CDH13: variants seen among roughly 807,000 people sequenced by gnomAD.
The protein encoded by CDH13 is cadherin-13.
CDH13 carries 24 observed loss-of-function variants against 63.8 expected under a neutral mutation model. The observed-to-expected ratio is 0.38, with a 90% confidence interval of 0.27 to 0.53. The LOEUF is 0.53. CDH13 is among the 20% of genes least tolerant of loss of function. The pLI is 0.85. For synonymous variants in CDH13, 503 were observed against 355.3 expected (o/e 1.42, Z -4.67); for missense variants, 1,049 against 903.1 (o/e 1.16, Z -2.07).
chr16:82,854,667 C>G (rs2039619528), intron 1 of CDH13, among the ~76,000 whole-genome samples: 1 of 152,144 alleles, frequency 6.6e-6, no homozygotes, highest in Non-Finnish European at 1.5e-5. Context: ...TCGTAATCAT[C>G]TTTGAGATCC....
At chr16:83,679,242 C>T (rs1211175335) in intron 10 of CDH13, among the ~76,000 whole-genome samples, 3 of 152,176 alleles carry the variant, frequency 2.0e-5, no homozygotes, top group Admixed American at 6.5e-5. Context: ...ATAAAAGATG[C>T]CCTCGTTGGT....
intron 1 of CDH13, among the ~76,000 whole-genome samples, chr16:82,729,293 C>G (rs1263702270): frequency 6.6e-6 from 1 of 152,178 alleles, no homozygotes; most frequent in Non-Finnish European, 1.5e-5. Flanking sequence ...AGAGGAATTA[C>G]TATCTCTAGC....
intron 2 of CDH13, among the ~76,000 whole-genome samples, chr16:82,905,408 T>A (rs1259060978): frequency 1.3e-5 from 2 of 151,492 alleles, no homozygotes; most frequent in South Asian, 2.1e-4. Context: ...AAAACAGGAC[T>A]TGGGTGTTAT....
At chr16:82,779,292 A>C (rs138495875) in intron 1 of CDH13, among the ~76,000 whole-genome samples, 2 of 152,150 alleles carry the variant, frequency 1.3e-5, no homozygotes, top group African/African-American at 4.8e-5. Flanking sequence ...GATAGTAGGC[A>C]GTCCAGCTTC....
At chr16:83,567,386 G>A (rs150733963) in intron 7 of CDH13, among the ~76,000 whole-genome samples, 122 of 152,310 alleles carry the variant, frequency 8.0e-4, no homozygotes, top group Non-Finnish European at 8.4e-4. Context: ...AGTCCAGGGC[G>A]TACCTGTAAA....
chr16:83,594,715 A>G (rs1300993625), intron 7 of CDH13, among the ~76,000 whole-genome samples: 2 of 152,126 alleles, frequency 1.3e-5, no homozygotes, highest in Non-Finnish European at 2.9e-5. Context: ...CATCACATCT[A>G]TTTGTTGATT....
At chr16:82,953,034 C>T (rs1361380218) in intron 2 of CDH13, among the ~76,000 whole-genome samples, 2 of 152,120 alleles carry the variant, frequency 1.3e-5, no homozygotes, top group Non-Finnish European at 2.9e-5. Context: ...TTGTTTTAAG[C>T]GATAGAGAAT....
intron 4 of CDH13, among the ~76,000 whole-genome samples, chr16:83,136,881 G>C (rs899910514): frequency 5.9e-5 from 9 of 152,234 alleles, no homozygotes; most frequent in African/African-American, 2.2e-4. Flanking sequence ...GCTCTCGGAG[G>C]CTGGAAGCCT....
chr16:83,169,452 G>A (rs79288103), intron 4 of CDH13, among the ~76,000 whole-genome samples: 2 of 152,004 alleles, frequency 1.3e-5, no homozygotes, highest in African/African-American at 4.8e-5. Flanking sequence ...TGGGAGTAAG[G>A]TGTGAGCCAC....
rs147839694 is a variant in CDH13 at position 83,073,275 on chromosome 16, G to A, written c.366+41057G>A. On this transcript the variant is annotated intron_variant, in intron 3 of 13. Coordinates refer to ENST00000567109, the MANE Select transcript of CDH13 (RefSeq NM_001257.5). Reference sequence around the variant, plus strand: ...AGAAACAGAGTTCGAGGTTGAACCCGGGTGACTCAGCATCAAGGAATGGGC... The same window carrying A: ...AGAAACAGAGTTCGAGGTTGAACCCAGGTGACTCAGCATCAAGGAATGGGC... 1.0e-3 allele frequency among the ~76,000 whole-genome samples: 152 copies of A among 151,964 alleles called. 1 individual carries two copies. In the Middle Eastern group the frequency reaches 0.01, roughly 10 times the overall value.
intron 5 of CDH13, among the ~76,000 whole-genome samples, chr16:83,252,335 T>A (rs560181172): frequency 6.6e-6 from 1 of 151,666 alleles, no homozygotes; most frequent in African/African-American, 2.4e-5. Context: ...TACATGTGCA[T>A]CTTTAGGCAA....
At chr16:82,729,340 A>T (rs1002964244) in intron 1 of CDH13, among the ~76,000 whole-genome samples, 9 of 152,202 alleles carry the variant, frequency 5.9e-5, no homozygotes, top group Non-Finnish European at 1.2e-4. Context: ...CTTTAATAAT[A>T]AGACTTGAAA....
chr16:83,617,595 T>G (rs1238760625), intron 8 of CDH13, among the ~76,000 whole-genome samples: 3 of 151,416 alleles, frequency 2.0e-5, no homozygotes, highest in African/African-American at 4.8e-5. Flanking sequence ...ATATATCTAT[T>G]CTAATATGTA....
At chr16:82,889,115 C>T (rs1962877549) in intron 2 of CDH13, among the ~76,000 whole-genome samples, 1 of 152,176 alleles carries the variant, frequency 6.6e-6, no homozygotes, top group African/African-American at 2.4e-5. Context: ...TCCCCTTAAC[C>T]TTATTTTCAA....
chr16:82,792,764 C>T (rs1181642333), intron 1 of CDH13, among the ~76,000 whole-genome samples: 1 of 152,208 alleles, frequency 6.6e-6, no homozygotes, highest in African/African-American at 2.4e-5. Context: ...ATGTATACCT[C>T]TGCTAGTTGA....
intron 6 of CDH13, among the ~76,000 whole-genome samples, chr16:83,347,612 A>G (rs947596723): frequency 2.0e-5 from 3 of 152,152 alleles, no homozygotes; most frequent in Non-Finnish European, 4.4e-5. Flanking sequence ...CTGCCCTGAG[A>G]GGTGGCTACC....
chr16:83,444,637 C>A (rs1420691791), intron 6 of CDH13, among the ~76,000 whole-genome samples: 1 of 152,134 alleles, frequency 6.6e-6, no homozygotes, highest in African/African-American at 2.4e-5. Flanking sequence ...CATCATTGCT[C>A]ATGTCCCTCC....
chr16:83,266,840 C>G (rs1425197046), intron 5 of CDH13, among the ~76,000 whole-genome samples: 1 of 152,222 alleles, frequency 6.6e-6, no homozygotes, highest in Non-Finnish European at 1.5e-5. Context: ...GAGGTCCACA[C>G]TCTTCACTCA....
intron 1 of CDH13, among the ~76,000 whole-genome samples, chr16:82,761,929 G>T (rs955306817): frequency 6.6e-6 from 1 of 152,278 alleles, no homozygotes; most frequent in East Asian, 1.9e-4. Flanking sequence ...AATGGTTTCT[G>T]TTTACACTGA....
Sources: gnomAD v4.1 joint callset for allele counts (sites outside exome capture counted in the v4.1 genomes callset) on GRCh38, gnomAD v4.1.1 for gene constraint, MANE v1.5 for transcripts, NCBI Gene and HGNC (gene_info 2026-07-23, HGNC 2026-07-21) for gene names.